COL26A1: variants seen among roughly 807,000 people sequenced by gnomAD.
COL26A1 encodes the protein collagen type XXVI alpha 1 chain.
COL26A1 carries 41 observed loss-of-function variants against 59.3 expected under a neutral mutation model. The observed-to-expected ratio is 0.69, with a 90% CI of 0.54 to 0.90. The LOEUF (loss-of-function observed/expected upper bound fraction) is 0.90. Among genes scored for constraint, COL26A1 ranks in the 40% least tolerant of loss-of-function variants. COL26A1 has a pLI of 0.00. For synonymous variants in COL26A1, 266 were observed against 256.0 expected, an observed-to-expected ratio of 1.04 and a Z score of -0.37; for missense variants, 612 against 602.3, an observed-to-expected ratio of 1.02 and a Z score of -0.17.
At chr7:101,466,795 G>GGTGTGTGTGT (rs59942660) in intron 3 of COL26A1, among the ~76,000 whole-genome samples, 1,427 of 125,158 alleles carry the variant, frequency 0.011, 24 homozygotes, top group East Asian at 0.053. Context: ...GGCATGTTCT[G>GGTGTGTGTGT]GTGTGTGTGT....
chr7:101,558,828 G>A lies in COL26A1; in HGVS notation c.*1298G>A, dbSNP rs1248780419. The A allele has an allele frequency of 1.3e-5, 2 of 152,250 alleles. No individual in the cohort carries two copies. Among genetic ancestry groups the A allele is most frequent in the Non-Finnish European group, 2.9e-5 (2 of 68,092 alleles). 9.4% of individuals were successfully genotyped at this position (152,250 alleles called of 1,614,324 possible). ...CCTGGGGCACTCTGTCTTCACAGCA[G>A]GAGTGACTGTCTCCAGTGCTCTTGG... On this transcript the variant is annotated 3_prime_UTR_variant, in exon 13 of 13. Coordinates refer to ENST00000313669, the MANE Select transcript of COL26A1 (RefSeq NM_001278563.3).
intron 5 of COL26A1, among the ~76,000 whole-genome samples, chr7:101,540,469 C>T (rs1398805000): frequency 1.4e-5 from 2 of 147,962 alleles, no homozygotes; most frequent in Admixed American, 1.4e-4. Context: ...ACCCGGAAGG[C>T]GGAGGTTGCA....
intron 1 of COL26A1, among the ~76,000 whole-genome samples, chr7:101,386,644 T>C (rs1016736914): frequency 1.3e-5 from 2 of 152,136 alleles, no homozygotes; most frequent in Non-Finnish European, 2.9e-5. Context: ...CAATCCCTTA[T>C]TGAATCAACG....
At chr7:101,536,686 A>G (rs1795489995) in intron 4 of COL26A1, among the ~76,000 whole-genome samples, 2 of 152,222 alleles carry the variant, frequency 1.3e-5, no homozygotes, top group African/African-American at 4.8e-5. Context: ...GTCGGGAAGG[A>G]GGCAAATGAG....
At chr7:101,371,588 C>T (rs1791195733) in intron 1 of COL26A1, among the ~76,000 whole-genome samples, 1 of 101,616 alleles carries the variant, frequency 9.8e-6, no homozygotes, top group South Asian at 2.8e-4. Flanking sequence ...GAGTTTGAGA[C>T]CAGCCCGGGA....
chr7:101,544,652 C>T (rs1013715378), intron 6 of COL26A1, among the ~76,000 whole-genome samples: 1 of 151,618 alleles, frequency 6.6e-6, no homozygotes, highest in Non-Finnish European at 1.5e-5. Context: ...CCTGCCTCAG[C>T]CTACTGAGTA....
chr7:101,413,240 C>T (rs114643318), intron 1 of COL26A1, among the ~76,000 whole-genome samples: 2 of 152,054 alleles, frequency 1.3e-5, no homozygotes, highest in Admixed American at 6.6e-5. Flanking sequence ...GACTTGTGGC[C>T]GGGCGCGGTG....
intron 3 of COL26A1, among the ~76,000 whole-genome samples, chr7:101,468,749 G>T (rs1340879811): frequency 6.6e-6 from 1 of 152,208 alleles, no homozygotes; most frequent in African/African-American, 2.4e-5. Context: ...GGAGGGAGGG[G>T]GAGACGCATT....
In COL26A1 at chr7:101,499,357, C is replaced by T. The variant is rs185166091; in HGVS notation, c.386-33725C>T. ...GGGAGTTTGAGACCAGCCTGGGCAA[C>T]ATGATGAGATCCTGTCTCTACAAAA... On this transcript the variant is annotated intron_variant, in intron 3 of 12. Coordinates refer to ENST00000313669, the MANE Select transcript of COL26A1 (RefSeq NM_001278563.3). Among the ~76,000 whole-genome samples, 495 of 152,134 alleles carry T rather than the reference C, an allele frequency of 3.3e-3. 3 individuals carry two copies. The highest frequency in any genetic ancestry group is 0.011 in the African/African-American group (460 of 41,500).
At chr7:101,425,101 TTTTGGCCAGGCGCGGTGGCTCATGCCTG>T (rs1792612770) in intron 2 of COL26A1, among the ~76,000 whole-genome samples, 2 of 151,540 alleles carry the variant, frequency 1.3e-5, no homozygotes, top group Non-Finnish European at 2.9e-5. Flanking sequence ...TTAAAAAAAA[TTTTGGCCAGGCGCGGTGGCTCATGCCTG>T]TAATCCTATA....
intron 1 of COL26A1, among the ~76,000 whole-genome samples, chr7:101,413,780 G>T (rs144122665): frequency 2.2e-3 from 335 of 152,214 alleles, no homozygotes; most frequent in African/African-American, 7.7e-3. Flanking sequence ...TCATTTCTTG[G>T]CAGTTCGAGG....
intron 1 of COL26A1, among the ~76,000 whole-genome samples, chr7:101,394,405 G>C (rs1215144910): frequency 2.0e-5 from 3 of 151,540 alleles, no homozygotes; most frequent in Non-Finnish European, 2.9e-5. Flanking sequence ...TATAGCACAA[G>C]GGGTTTTGTT....
chr7:101,459,799 T>G (rs1793566935), intron 3 of COL26A1, among the ~76,000 whole-genome samples: 1 of 152,060 alleles, frequency 6.6e-6, no homozygotes, highest in Non-Finnish European at 1.5e-5. Context: ...AGGAAATGAA[T>G]CCCCTAGACT....
intron 4 of COL26A1, among the ~76,000 whole-genome samples, chr7:101,539,363 A>G (rs1211483570): frequency 5.6e-5 from 8 of 143,988 alleles, no homozygotes; most frequent in African/African-American, 2.1e-4. Flanking sequence ...CTCTTTTTGT[A>G]GATGTGGTCT....
intron 3 of COL26A1, among the ~76,000 whole-genome samples, chr7:101,451,849 C>T (rs1427989102): frequency 2.0e-5 from 3 of 151,886 alleles, no homozygotes; most frequent in African/African-American, 7.3e-5. Context: ...GGATTACGGG[C>T]ATCCACCACC....
Position 101,557,389 on chromosome 7 carries a change from G to C in COL26A1, c.1185G>C (p.Glu395Asp). Reference protein sequence around the residue: ...IGIHDPLASPEGGSGQDAALR... With the variant: ...IGIHDPLASPDGGSGQDAALR... ...TTCCAGATCCCCTGGCCTCCCCAGAGGGAGGTTCTGGCCAGGATGCTGCCC... is the reference window on the plus strand; with the variant it reads ...TTCCAGATCCCCTGGCCTCCCCAGACGGAGGTTCTGGCCAGGATGCTGCCC... The change falls in exon 13 of 13, where the codon GAG (glutamate) becomes GAC (aspartate). Residue 395 changes from glutamate (E) to aspartate (D), a missense_variant. Physicochemically the swap from Glu to Asp is conservative, Grantham distance 45. Coordinates refer to ENST00000313669, the MANE Select transcript of COL26A1 (RefSeq NM_001278563.3). 6.2e-7 allele frequency: 1 copy of C among 1,613,494 alleles called. No homozygotes were observed. The highest frequency in any genetic ancestry group is 1.1e-5 in the South Asian group (1 of 91,004).
chr7:101,409,777 T>C (rs1401891229), intron 1 of COL26A1, among the ~76,000 whole-genome samples: 1 of 152,216 alleles, frequency 6.6e-6, no homozygotes, highest in Non-Finnish European at 1.5e-5. Flanking sequence ...GTCTTTTTTT[T>C]TGAGACGGAG....
intron 2 of COL26A1, among the ~76,000 whole-genome samples, chr7:101,432,464 T>C (rs1325162590): frequency 6.6e-6 from 1 of 150,598 alleles, no homozygotes; most frequent in African/African-American, 2.5e-5. Context: ...CCTAAATTCC[T>C]GGCTTGAGCA....
chr7:101,443,331 G>T (rs1793107236), intron 2 of COL26A1, among the ~76,000 whole-genome samples: 1 of 152,098 alleles, frequency 6.6e-6, no homozygotes, highest in South Asian at 2.1e-4. Context: ...GGGGGAAACT[G>T]GTTTGCTGGA....
Sources: gnomAD v4.1 joint callset for allele counts (sites outside exome capture counted in the v4.1 genomes callset) on GRCh38, gnomAD v4.1.1 for gene constraint, MANE v1.5 for transcripts, NCBI Gene and HGNC (gene_info 2026-07-23, HGNC 2026-07-21) for gene names.